CNTNAP5: variants seen among roughly 807,000 people sequenced by gnomAD.
The protein encoded by CNTNAP5 is contactin associated protein family member 5.
Under a neutral mutation model 150.2 loss-of-function variants are expected in CNTNAP5, and 72 were observed. That is an observed-to-expected ratio of 0.48 (90% CI 0.40 to 0.58). The LOEUF (loss-of-function observed/expected upper bound fraction) is 0.58. CNTNAP5 is among the 20% of genes least tolerant of loss of function. The probability of loss-of-function intolerance (pLI) is 0.00; values close to 1 mark genes in which losing one functional copy is unlikely to be tolerated. For synonymous variants in CNTNAP5, 672 were observed against 619.8 expected (o/e 1.08, Z -1.25); for missense variants, 1,636 against 1,626.2 (o/e 1.01, Z -0.10).
chr2:124,117,662 C>T (rs1278815062), intron 1 of CNTNAP5, among the ~76,000 whole-genome samples: 1 of 152,126 alleles, frequency 6.6e-6, no homozygotes, highest in Non-Finnish European at 1.5e-5. Context: ...GAATTTCTTT[C>T]CATAGCACCG....
At chr2:124,419,954 T>C (rs1227439457) in intron 4 of CNTNAP5, among the ~76,000 whole-genome samples, 6,746 of 102,972 alleles carry the variant, frequency 0.066, 353 homozygotes, top group African/African-American at 0.094. Flanking sequence ...CTTTCTTTCT[T>C]TCCTTTTCTC....
chr2:124,485,612 C>CAAAAAA (rs576700912), intron 7 of CNTNAP5, among the ~76,000 whole-genome samples: 915 of 52,262 alleles, frequency 0.018, 32 homozygotes, highest in Admixed American at 0.028. Flanking sequence ...GACTCTGTCT[C>CAAAAAA]AAAAAAAAAA....
At chr2:124,108,907 C>G (rs1195873441) in intron 1 of CNTNAP5, among the ~76,000 whole-genome samples, 1 of 152,114 alleles carries the variant, frequency 6.6e-6, no homozygotes, top group African/African-American at 2.4e-5. Flanking sequence ...GTCATTCATG[C>G]CCCTATCCTC....
At chr2:124,607,352 T>A (rs994664013) in intron 11 of CNTNAP5, among the ~76,000 whole-genome samples, 2 of 152,180 alleles carry the variant, frequency 1.3e-5, no homozygotes, top group African/African-American at 4.8e-5. Context: ...GGCTCACTCC[T>A]GTGGGCCTCT....
chr2:124,628,882 A>C (rs1454146319), intron 12 of CNTNAP5, among the ~76,000 whole-genome samples: 1 of 152,198 alleles, frequency 6.6e-6, no homozygotes, highest in Non-Finnish European at 1.5e-5. Context: ...TATCAAGCAA[A>C]CGGAAAGCAG....
intron 1 of CNTNAP5, among the ~76,000 whole-genome samples, chr2:124,200,155 A>G (rs183911281): frequency 6.0e-4 from 92 of 152,360 alleles, no homozygotes; most frequent in African/African-American, 2.1e-3. Flanking sequence ...TTTGTCAAGA[A>G]CAGATGTTAA....
At chr2:124,649,352 G>A (rs1341178211) in intron 13 of CNTNAP5, among the ~76,000 whole-genome samples, 1 of 152,124 alleles carries the variant, frequency 6.6e-6, no homozygotes, top group African/African-American at 2.4e-5. Context: ...CTCCATGTCT[G>A]TCAAGCCTGC....
At chr2:124,490,785 C>T (rs957015355) in intron 7 of CNTNAP5, among the ~76,000 whole-genome samples, 3 of 151,338 alleles carry the variant, frequency 2.0e-5, no homozygotes, top group Non-Finnish European at 4.4e-5. Context: ...TTTTTAATAC[C>T]GATTGTATAT....
chr2:124,451,970 A>C (rs1298115842), intron 6 of CNTNAP5, among the ~76,000 whole-genome samples: 1 of 152,154 alleles, frequency 6.6e-6, no homozygotes, highest in Non-Finnish European at 1.5e-5. Context: ...AGGCACTGAG[A>C]AAAGGCCATA....
At chr2:124,339,823 T>C (rs1689565902) in intron 3 of CNTNAP5, among the ~76,000 whole-genome samples, 1 of 152,122 alleles carries the variant, frequency 6.6e-6, no homozygotes, top group South Asian at 2.1e-4. Context: ...GCCGATTGGT[T>C]GGAGATGAAA....
chr2:124,100,864 CAA>C (rs60441145), intron 1 of CNTNAP5, among the ~76,000 whole-genome samples: 3,027 of 88,026 alleles, frequency 0.034, 79 homozygotes, highest in African/African-American at 0.11. Context: ...GACTCTGTCT[CAA>C]AAAAAAAAAA....
rs1440998263 is a variant in CNTNAP5, at chr2:124,833,049, A to G, written c.3218-32257A>G. Among the ~76,000 whole-genome samples, 4 of 151,928 alleles carry G rather than the reference A, an allele frequency of 2.6e-5. No homozygotes were observed. The East Asian group carries it at 7.8e-4, about 30-fold the overall frequency. Reference sequence around the variant, plus strand: ...ATCAGTCTCTCAAATAGCTGGGATTACAGATGGACACCACCACTCCCAGCT... The same window carrying G: ...ATCAGTCTCTCAAATAGCTGGGATTGCAGATGGACACCACCACTCCCAGCT... On this transcript the variant is annotated intron_variant, in intron 19 of 23. Transcript: ENST00000682447.
intron 13 of CNTNAP5, among the ~76,000 whole-genome samples, chr2:124,721,834 A>C (rs1440078557): frequency 6.6e-6 from 1 of 152,088 alleles, no homozygotes; most frequent in Non-Finnish European, 1.5e-5. Flanking sequence ...AAAGAACAAA[A>C]TTTTATTCTC....
chr2:124,767,250 G>A (rs539223880), intron 16 of CNTNAP5, among the ~76,000 whole-genome samples: 49 of 152,094 alleles, frequency 3.2e-4, no homozygotes, highest in Non-Finnish European at 6.2e-4. Context: ...TGATATATCC[G>A]AATTATTGGA....
intron 3 of CNTNAP5, among the ~76,000 whole-genome samples, chr2:124,293,828 C>T (rs1005423825): frequency 1.3e-5 from 2 of 151,862 alleles, no homozygotes; most frequent in African/African-American, 2.4e-5. Context: ...ATCTCACCTG[C>T]AGGAAAGTAG....
chr2:124,296,697 T>C (rs1056733118), intron 3 of CNTNAP5, among the ~76,000 whole-genome samples: 1 of 152,304 alleles, frequency 6.6e-6, no homozygotes, highest in Middle Eastern at 3.4e-3. Context: ...CCTCTCTTAG[T>C]ATAGAGACCT....
Position 124,914,446 on chromosome 2 carries a change from C to T in CNTNAP5, c.*158C>T, listed in dbSNP as rs1443283991. The T allele has an allele frequency of 1.6e-6, 1 of 632,184 alleles. No homozygotes were observed. The highest frequency in any genetic ancestry group is 1.9e-5 in the African/African-American group (1 of 53,948). 39.2% of individuals were successfully genotyped at this position (632,184 alleles called of 1,614,324 possible). On this transcript the variant is annotated 3_prime_UTR_variant, in exon 24 of 24. Transcript: ENST00000682447. ...CCACCACAGCATCAATTCCCTTGAT[C>T]CAGCCCAAGAGACCAGGCAGCCATG...
chr2:124,147,674 C>T (rs1684287151), intron 1 of CNTNAP5, among the ~76,000 whole-genome samples: 1 of 152,194 alleles, frequency 6.6e-6, no homozygotes, highest in African/African-American at 2.4e-5. Flanking sequence ...GAAACAGCTC[C>T]ATTGAGGGGA....
chr2:124,433,643 C>G (rs779389575), intron 4 of CNTNAP5, among the ~76,000 whole-genome samples: 3 of 151,628 alleles, frequency 2.0e-5, no homozygotes, highest in Admixed American at 6.6e-5. Context: ...ATTAAACAGT[C>G]TTACATGTTT....
Sources: allele counts gnomAD v4.1 joint callset (sites outside exome capture counted in the v4.1 genomes callset), GRCh38; gene constraint gnomAD v4.1.1; transcripts MANE v1.5; gene names NCBI Gene and HGNC (gene_info 2026-07-23, HGNC 2026-07-21).